MYO5A: variants seen among roughly 807,000 people sequenced by gnomAD.
The protein encoded by MYO5A is unconventional myosin-Va.
A neutral mutation model predicts 249.7 loss-of-function variants in MYO5A; 98 were observed. That is an observed-to-expected ratio of 0.39 (90% CI 0.33 to 0.46). The LOEUF (loss-of-function observed/expected upper bound fraction) is 0.46. Ranked by LOEUF, MYO5A falls within the 20% of genes least tolerant of loss-of-function variation. The pLI, the probability that MYO5A is intolerant of heterozygous loss-of-function variation, is 0.98. For synonymous variants in MYO5A, 778 were observed against 810.6 expected, an observed-to-expected ratio of 0.96 and a Z score of 0.68; for missense variants, 1,696 against 2,308.8, an observed-to-expected ratio of 0.73 and a Z score of 5.44.
At chr15:52,460,410 C>G (rs145363150) in intron 1 of MYO5A, among the ~76,000 whole-genome samples, 22,441 of 152,202 alleles carry the variant, frequency 0.15, 1,786 homozygotes, top group Middle Eastern at 0.22. Flanking sequence ...CTCGGGAGGC[C>G]GAGGCTGGCA....
At chr15:52,423,488 G>C (rs949120958) in intron 4 of MYO5A, among the ~76,000 whole-genome samples, 2 of 151,654 alleles carry the variant, frequency 1.3e-5, no homozygotes, top group African/African-American at 4.9e-5. Flanking sequence ...GGAGGCGGAG[G>C]TTGCAGTGAG....
intron 34 of MYO5A, among the ~76,000 whole-genome samples, chr15:52,330,932 T>C (rs150159013): frequency 1.3e-5 from 2 of 152,234 alleles, no homozygotes; most frequent in African/African-American, 4.8e-5. Flanking sequence ...CAGAAACAAT[T>C]CCCCCTTGCT....
chr15:52,521,598 C>T (rs765610088), intron 1 of MYO5A, among the ~76,000 whole-genome samples: 1 of 152,218 alleles, frequency 6.6e-6, no homozygotes, highest in Non-Finnish European at 1.5e-5. Flanking sequence ...GTACAATGCA[C>T]TTCTCCCTTG....
chr15:52,375,047 C>T (rs2041333876), intron 20 of MYO5A, among the ~76,000 whole-genome samples: 1 of 152,096 alleles, frequency 6.6e-6, no homozygotes, highest in Admixed American at 6.5e-5. Flanking sequence ...TGGGAAGCCA[C>T]AGTGGGAAGA....
chr15:52,371,029 C>A lies in MYO5A; in HGVS notation c.2818-612G>T, dbSNP rs2041081392. On this transcript the variant is annotated intron_variant, in intron 21 of 41. Coordinates refer to ENST00000399233, the MANE Select transcript of MYO5A (RefSeq NM_001382347.1). ...TTGGGAGGCTGAGGCAGGAGGATCACTTGAGCCCAGGAGTTTGAGGCTGTA... is the reference window on the plus strand; with the variant it reads ...TTGGGAGGCTGAGGCAGGAGGATCAATTGAGCCCAGGAGTTTGAGGCTGTA... Among the ~76,000 whole-genome samples, 15 of 152,110 alleles carry A rather than the reference C, an allele frequency of 9.9e-5. No homozygotes were observed. The South Asian group carries it at 2.9e-3, about 29-fold the overall frequency.
intron 1 of MYO5A, among the ~76,000 whole-genome samples, chr15:52,480,752 TC>T (rs1206586261): frequency 6.6e-6 from 1 of 152,190 alleles, no homozygotes; most frequent in Non-Finnish European, 1.5e-5. Context: ...ATGAGAAAAT[TC>T]TTCCTTAGCA....
In MYO5A at chr15:52,497,671, C is replaced by T. The variant is rs541578901; in HGVS notation, c.27+31109G>A. Among the ~76,000 whole-genome samples, 10 of 146,874 alleles carry T rather than the reference C, an allele frequency of 6.8e-5. No homozygotes were observed. In the East Asian group the frequency reaches 1.6e-3, roughly 24 times the overall value. ...ACTCGGGAGGCTGAGGCAAGAGAATCGCTTGAACCCGGGAGGTGGAGGTTG... is the reference window on the plus strand; with the variant it reads ...ACTCGGGAGGCTGAGGCAAGAGAATTGCTTGAACCCGGGAGGTGGAGGTTG... On this transcript the variant is annotated intron_variant, in intron 1 of 41. Coordinates refer to ENST00000399233, the MANE Select transcript of MYO5A (RefSeq NM_001382347.1).
intron 1 of MYO5A, among the ~76,000 whole-genome samples, chr15:52,459,820 G>T (rs2076203989): frequency 6.6e-6 from 1 of 151,226 alleles, no homozygotes; most frequent in African/African-American, 2.4e-5. Context: ...AGACGGGGCG[G>T]CCGGGCAGAG....
intron 6 of MYO5A, 63 bp from the exon 7 acceptor site, chr15:52,408,203 T>C (rs959232320): frequency 8.6e-6 from 8 of 935,250 alleles, no homozygotes; most frequent in South Asian, 7.1e-5. Context: ...AATTCTATCA[T>C]AAAATAAGAT....
rs2039522871 is a variant in MYO5A at position 52,344,478 on chromosome 15, C to A, written c.3960-1281G>T. 2.0e-5 allele frequency among the ~76,000 whole-genome samples: 3 copies of A among 152,308 alleles called. No homozygotes were observed. The South Asian group carries it at 6.2e-4, about 32-fold the overall frequency. Reference sequence around the variant, plus strand: ...CCTTCAGGCTTCTCCATCCCTCGCCCACACATTCAATAAACCAAACAGCTT... The same window carrying A: ...CCTTCAGGCTTCTCCATCCCTCGCCAACACATTCAATAAACCAAACAGCTT... On this transcript the variant is annotated intron_variant, in intron 30 of 41. Coordinates refer to ENST00000399233, the MANE Select transcript of MYO5A (RefSeq NM_001382347.1).
chr15:52,335,382 G>A (rs2039063997), intron 34 of MYO5A, among the ~76,000 whole-genome samples: 2 of 151,912 alleles, frequency 1.3e-5, no homozygotes, highest in Admixed American at 1.3e-4. Flanking sequence ...TGGACATGGT[G>A]GCATGCACCT....
At chr15:52,409,618 C>T (rs17651218) in intron 6 of MYO5A, among the ~76,000 whole-genome samples, 22,667 of 152,078 alleles carry the variant, frequency 0.15, 1,806 homozygotes, top group Middle Eastern at 0.22. Flanking sequence ...GTATTTGAAC[C>T]TCAATGCAGT....
chr15:52,310,287 C>T lies in MYO5A; in HGVS notation c.*3409G>A, dbSNP rs1342748022. 1 of 152,144 alleles carries T rather than the reference C, an allele frequency of 6.6e-6. No homozygotes were observed. Among genetic ancestry groups the T allele is most frequent in the Admixed American group, 6.5e-5 (1 of 15,280 alleles). 9.4% of individuals were successfully genotyped at this position (152,144 alleles called of 1,614,324 possible). A position where few individuals can be genotyped will look rare whatever the true frequency, so the allele number is the denominator to read the frequency against. ...TGGATTTTATCCCATATTTATCTTC[C>T]CTCCTTTTAGAGTTACTCTCAGGCA... On this transcript the variant is annotated 3_prime_UTR_variant, in exon 42 of 42. Transcript: ENST00000399233.
intron 39 of MYO5A, among the ~76,000 whole-genome samples, chr15:52,318,365 A>G (rs762717904): frequency 4.0e-5 from 6 of 150,110 alleles, no homozygotes; most frequent in Non-Finnish European, 8.9e-5. Context: ...CTGAGGCAGG[A>G]GAATTGCTTC....
intron 9 of MYO5A, among the ~76,000 whole-genome samples, chr15:52,399,786 G>T (rs1263565977): frequency 6.6e-6 from 1 of 152,080 alleles, no homozygotes; most frequent in African/African-American, 2.4e-5. Context: ...AGTGTGCATA[G>T]CTGCCAATTG....
rs1567041414 is a variant in MYO5A, at chr15:52,348,858, C to T, written c.3850-32G>A. The T allele has an allele frequency of 1.9e-6, 3 of 1,595,038 alleles. No homozygotes were observed. In the South Asian group the frequency reaches 3.4e-5, roughly 18 times the overall value. On this transcript the variant is annotated intron_variant, in intron 28 of 41. Coordinates refer to ENST00000399233, the MANE Select transcript of MYO5A (RefSeq NM_001382347.1). ...ATCACAAGTCAGCAAGCACAAAAAACAGAGAAAACAATAAACCCTTAGTTC... is the reference window on the plus strand; with the variant it reads ...ATCACAAGTCAGCAAGCACAAAAAATAGAGAAAACAATAAACCCTTAGTTC...
chr15:52,390,377 A>T (rs2042166984), intron 12 of MYO5A, among the ~76,000 whole-genome samples: 1 of 152,090 alleles, frequency 6.6e-6, no homozygotes, highest in Non-Finnish European at 1.5e-5. Flanking sequence ...ATCCCCATAA[A>T]TATATACACC....
chr15:52,427,799 T>C (rs2075429204), intron 3 of MYO5A, among the ~76,000 whole-genome samples: 1 of 150,724 alleles, frequency 6.6e-6, no homozygotes, highest in Non-Finnish European at 1.5e-5. Context: ...AAATAAAAGA[T>C]AAGAACAAAC....
At chr15:52,389,452 T>A (rs889105512) in intron 12 of MYO5A, 89 bp from the exon 13 acceptor site, 51 of 1,350,358 alleles carry the variant, frequency 3.8e-5, no homozygotes, top group East Asian at 1.4e-4. Context: ...TTTTATTTTT[T>A]TTTTTTGGCT....
Sources: gnomAD v4.1 joint callset for allele counts (sites outside exome capture counted in the v4.1 genomes callset) on GRCh38, gnomAD v4.1.1 for gene constraint, MANE v1.5 for transcripts, NCBI Gene and HGNC (gene_info 2026-07-23, HGNC 2026-07-21) for gene names.